The following DNASE2B variants were observed in gnomAD, a reference collection of about 807,000 sequenced individuals.
DNASE2B encodes deoxyribonuclease 2 beta.
In DNASE2B, 43 loss-of-function variants were observed where a neutral mutation model predicts 46.0. The ratio of observed to expected loss-of-function variants is 0.94; its 90% CI spans 0.73 to 1.21. DNASE2B has a LOEUF of 1.21. Among genes scored for constraint, DNASE2B ranks in the 50% most tolerant of loss-of-function variants. The pLI is 0.00. For synonymous variants in DNASE2B, 156 were observed against 152.5 expected, an observed-to-expected ratio of 1.02 and a Z score of -0.17; for missense variants, 395 against 414.4, an observed-to-expected ratio of 0.95 and a Z score of 0.41.
At chr1:84,404,553 C>A (rs1680470142) in intron 2 of DNASE2B, among the ~76,000 whole-genome samples, 1 of 152,142 alleles carries the variant, frequency 6.6e-6, no homozygotes, top group Admixed American at 6.6e-5. Context: ...CTTAAAGGTT[C>A]TTATGAACCT....
At chr1:84,410,338 T>C (rs1680566558) in intron 3 of DNASE2B, among the ~76,000 whole-genome samples, 1 of 152,186 alleles carries the variant, frequency 6.6e-6, no homozygotes, top group Non-Finnish European at 1.5e-5. Flanking sequence ...CTTGTAGAAA[T>C]AGTGACTCTT....
intron 3 of DNASE2B, among the ~76,000 whole-genome samples, chr1:84,409,555 G>C (rs1680551678): frequency 6.6e-6 from 1 of 152,180 alleles, no homozygotes; most frequent in Admixed American, 6.5e-5. Context: ...CTCTGATTTA[G>C]AATATAGTTT....
At chr1:84,401,650 C>T (rs1680421638) in intron 1 of DNASE2B, among the ~76,000 whole-genome samples, 1 of 152,198 alleles carries the variant, frequency 6.6e-6, no homozygotes. Flanking sequence ...TGTATATGGA[C>T]TTCCACTTCA....
chr1:84,408,545 T>C, intron 3 of DNASE2B, 27 bp downstream of exon 3: 2 of 1,593,458 alleles, frequency 1.3e-6, no homozygotes, highest in Non-Finnish European at 1.7e-6. Flanking sequence ...TGGTTTCTCT[T>C]TCCTACTGGA....
In DNASE2B at chr1:84,398,633, G is replaced by C. The variant is rs756940333; in HGVS notation, c.69G>C (p.Gly23=). The part of the protein sequence containing the change: ...SFALLFLGLF[G]VLGAATISCR... ...CTTTGCTCTTCCTTGGCCTCTTTGG[G>C]GTGCTGGGGGCAGCAACAATTTCAT... is the stretch of plus-strand genomic sequence containing the variant. Residue 23 remains glycine, a synonymous_variant, in exon 1 of 6, where the codon GGG becomes GGC. Coordinates refer to ENST00000370665, the MANE Select transcript of DNASE2B (RefSeq NM_021233.3). 2 of 1,613,884 alleles carry C rather than the reference G, an allele frequency of 1.2e-6. No homozygotes were observed. Among genetic ancestry groups the C allele is most frequent in the Admixed American group, 3.3e-5 (2 of 60,018 alleles).
chr1:84,412,365 C>T lies in DNASE2B; in HGVS notation c.564C>T (p.Val188=), dbSNP rs771525806. 6.4e-7 allele frequency: 1 copy of T among 1,555,786 alleles called. No individual in the cohort carries two copies. The highest frequency in any genetic ancestry group is 8.7e-7 in the Non-Finnish European group (1 of 1,147,142). The part of the protein sequence containing the change: ...QYEAIDSQLL[V]CNPNVYSCSI... ...TTGATTCAGATTCTCAGCTCTTGGT[C>T]TGCAACCCCAACGTCTATAGCTGCT... Residue 188 remains valine, a synonymous_variant, in exon 5 of 6, where the codon GTC becomes GTT. Coordinates refer to ENST00000370665, the MANE Select transcript of DNASE2B (RefSeq NM_021233.3).
chr1:84,406,486 G>A (rs1418247966), intron 2 of DNASE2B, among the ~76,000 whole-genome samples: 1 of 152,184 alleles, frequency 6.6e-6, no homozygotes, highest in Non-Finnish European at 1.5e-5. Context: ...AAAGAAGCCA[G>A]GGATTAAAAA....
chr1:84,407,002 G>A (rs527801744), intron 2 of DNASE2B, among the ~76,000 whole-genome samples: 1 of 152,230 alleles, frequency 6.6e-6, no homozygotes, highest in African/African-American at 2.4e-5. Context: ...GGCAGAGACT[G>A]TACCCCTCTT....
chr1:84,411,208 G>C (rs962875256), intron 4 of DNASE2B, among the ~76,000 whole-genome samples: 1 of 152,124 alleles, frequency 6.6e-6, no homozygotes, highest in Non-Finnish European at 1.5e-5. Flanking sequence ...TGTTGAACTT[G>C]ATCAGGGCAG....
chr1:84,412,641 G>A, intron 5 of DNASE2B, 95 bp downstream of exon 5: 5 of 1,216,732 alleles, frequency 4.1e-6, no homozygotes, highest in Admixed American at 2.7e-5. Flanking sequence ...TTCAGAGAAA[G>A]AGAGATGAAA....
intron 1 of DNASE2B, among the ~76,000 whole-genome samples, chr1:84,400,701 G>C (rs1047878540): frequency 2.0e-5 from 3 of 152,172 alleles, no homozygotes; most frequent in African/African-American, 7.2e-5. Context: ...ACCCTTCACT[G>C]GTGGGCCACC....
chr1:84,414,523 C>G lies in DNASE2B; in HGVS notation c.746-5C>G, dbSNP rs756927629. The G allele has an allele frequency of 2.5e-6, 4 of 1,599,106 alleles. No individual in the cohort carries two copies. Among genetic ancestry groups the G allele is most frequent in the Non-Finnish European group, 3.4e-6 (4 of 1,173,018 alleles). The stretch of plus-strand genomic sequence containing the variant: ...CCTCACTATCTTTCTCCTCCTAAAC[C>G]CTAGACATCTTTGCAGCCTGGATGG... On this transcript the variant is annotated splice_region_variant and splice_polypyrimidine_tract_variant and intron_variant, in intron 5 of 5. Transcript: ENST00000370665.
At chr1:84,411,467 T>A (rs1243898645) in intron 4 of DNASE2B, among the ~76,000 whole-genome samples, 4 of 52,622 alleles carry the variant, frequency 7.6e-5, no homozygotes, top group South Asian at 6.6e-4. Flanking sequence ...TGTGTGTGTG[T>A]GTGTGTGTGT....
At position 84,412,412 on chromosome 1, in the gene DNASE2B, A is replaced by G. The variant is rs751747556; in HGVS notation, c.611A>G (p.Gln204Arg). The change falls in exon 5 of 6, where the codon CAG becomes CGG. Residue 204 changes from glutamine (Q) to arginine (R), a missense_variant. By Grantham distance (43) the Gln-to-Arg change is conservative (BLOSUM62 1). Coordinates refer to ENST00000370665, the MANE Select transcript of DNASE2B (RefSeq NM_021233.3). ...TGCTCCATCCCAGCCACCTTTCACC[A>G]GGAGCTCATTCACATGCCCCAGCTG... ...YSCSIPATFH[Q>R]ELIHMPQLCT... 16 of 1,613,142 alleles carry G rather than the reference A, an allele frequency of 9.9e-6. No homozygotes were observed. The highest frequency in any genetic ancestry group is 8.3e-5 in the Admixed American group (5 of 59,926).
chr1:84,408,512 A>G lies in DNASE2B; in HGVS notation c.379A>G (p.Thr127Ala). Residue 127 changes from threonine to alanine, a missense_variant, in exon 3 of 6, where the codon ACC (threonine) becomes GCC (alanine). Thr to Ala is a moderately conservative substitution (Grantham distance 58, BLOSUM62 0). Transcript: ENST00000370665. ...PVNYSRKYGH[T>A]KGLLLWNRVQ... ...GAATTACAGCAGAAAGTATGGACAC[A>G]CCAAAGGTATGACAAAGATTCTTGG... 6.2e-7 allele frequency: 1 copy of G among 1,608,206 alleles called. No homozygotes were observed. The highest frequency in any genetic ancestry group is 8.5e-7 in the Non-Finnish European group (1 of 1,177,354).
In DNASE2B at chr1:84,401,979, T is replaced by C. The variant is rs753459124; in HGVS notation, c.204T>C (p.Ser68=). Residue 68 remains serine, a synonymous_variant, in exon 2 of 6, where the codon TCT becomes TCC. Transcript: ENST00000370665. ...ETGLEYLYLD[S]TTRSWRKSEQ... is the part of the protein sequence containing the mutation. ...GGTTAGAGTACCTGTACCTAGACTCTACAACTAGAAGCTGGAGGAAGAGTG... is the reference window on the plus strand; with the variant it reads ...GGTTAGAGTACCTGTACCTAGACTCCACAACTAGAAGCTGGAGGAAGAGTG... 6.2e-7 allele frequency: 1 copy of C among 1,607,566 alleles called. No homozygotes were observed. Among genetic ancestry groups the C allele is most frequent in the Non-Finnish European group, 8.5e-7 (1 of 1,177,704 alleles).
rs779939965 is a variant in DNASE2B, at chr1:84,410,943, G to A, written c.491G>A (p.Arg164Gln). 1.9e-5 allele frequency: 31 copies of A among 1,612,622 alleles called. No individual in the cohort carries two copies. The highest frequency in any genetic ancestry group is 2.5e-5 in the Non-Finnish European group (29 of 1,179,418). ...TATGATTATCCACCCACAGGGAGAC[G>A]AAATGGACAAAGTGGCATCTGCATA... ...EGYDYPPTGR[R>Q]NGQSGICITF... is the part of the protein sequence containing the mutation. The change falls in exon 4 of 6, where the codon CGA (arginine) becomes CAA (glutamine). Residue 164 changes from arginine to glutamine, a missense_variant. Arg to Gln is a conservative substitution (Grantham distance 43). Transcript: ENST00000370665.
At chr1:84,412,856 C>G (rs973281131) in intron 5 of DNASE2B, among the ~76,000 whole-genome samples, 13 of 151,870 alleles carry the variant, frequency 8.6e-5, no homozygotes, top group Non-Finnish European at 1.8e-4. Context: ...TCTTTACTCT[C>G]AAGCCCTTTA....
chr1:84,403,971 TTTG>T (rs1282692918), intron 2 of DNASE2B, among the ~76,000 whole-genome samples: 1 of 149,174 alleles, frequency 6.7e-6, no homozygotes. Flanking sequence ...TTTTTTTTTT[TTTG>T]GCGGAGGGGG....
Sources: allele counts gnomAD v4.1 joint callset (sites outside exome capture counted in the v4.1 genomes callset), GRCh38; gene constraint gnomAD v4.1.1; transcripts MANE v1.5; gene names NCBI Gene and HGNC (gene_info 2026-07-23, HGNC 2026-07-21).